Variants in NAALADL2 observed in about 807,000 individuals in gnomAD.
The protein encoded by NAALADL2 is N-acetylated alpha-linked acidic dipeptidase like 2, also known as inactive N-acetylated-alpha-linked acidic dipeptidase-like protein 2.
NAALADL2 carries 76 observed loss-of-function variants against 87.2 expected under a neutral mutation model. That is an observed-to-expected ratio of 0.87 (90% CI 0.72 to 1.05). The LOEUF is 1.05. Ranked by LOEUF, NAALADL2 falls within the 50% of genes least tolerant of loss-of-function variation. The pLI is 0.00. For synonymous variants in NAALADL2, 354 were observed against 331.0 expected (o/e 1.07, Z -0.75); for missense variants, 1,089 against 945.8 (o/e 1.15, Z -1.99).
chr3:175,410,915 G>A (rs1713391639), intron 5 of NAALADL2, among the ~76,000 whole-genome samples: 1 of 152,154 alleles, frequency 6.6e-6, no homozygotes, highest in Non-Finnish European at 1.5e-5. Context: ...AGATAGAACT[G>A]AGGGTGAAGG....
At chr3:175,446,611 C>CA (rs961885394) in intron 5 of NAALADL2, among the ~76,000 whole-genome samples, 2 of 152,156 alleles carry the variant, frequency 1.3e-5, no homozygotes, top group Admixed American at 6.5e-5. Context: ...CTCTCACTCT[C>CA]AGTTTTCTGC....
rs1168817019 is a variant in NAALADL2 at position 175,588,534 on chromosome 3, C to CTTTTTTTTTTTTTTTTTTTTT, written c.1800+12349_1800+12369dup. ...TTAGGAGACTTTCTTTCTTTCTTTTCTTTTTTTTTTTTTTTTTTTTTTGAG... is the reference window on the plus strand; with the variant it reads ...TTAGGAGACTTTCTTTCTTTCTTTTCTTTTTTTTTTTTTTTTTTTTTTTTTTTTTTTTTTTTTTTTTTTGAG... On this transcript the variant is annotated intron_variant, in intron 10 of 13. Coordinates refer to ENST00000454872, the MANE Select transcript of NAALADL2 (RefSeq NM_207015.3). 1.1e-3 allele frequency among the ~76,000 whole-genome samples: 86 copies of CTTTTTTTTTTTTTTTTTTTTT among 78,142 alleles called. 8 individuals carry two copies. The highest frequency in any genetic ancestry group is 0.011 in the Middle Eastern group (1 of 90). 51.3% of individuals were successfully genotyped at this position (78,142 alleles called of 152,430 possible).
At chr3:174,649,657 G>A (rs1262185423) in intron 2 of NAALADL2, among the ~76,000 whole-genome samples, 1 of 151,962 alleles carries the variant, frequency 6.6e-6, no homozygotes, top group East Asian at 1.9e-4. Flanking sequence ...TTCTAATATT[G>A]GAAATAGGCT....
chr3:175,598,146 T>C (rs1722486490), intron 10 of NAALADL2, among the ~76,000 whole-genome samples: 2 of 152,040 alleles, frequency 1.3e-5, no homozygotes, highest in Non-Finnish European at 2.9e-5. Context: ...TTATAAATCA[T>C]CAAGACTTTG....
intron 10 of NAALADL2, among the ~76,000 whole-genome samples, chr3:175,625,043 A>G (rs1351345173): frequency 3.9e-5 from 6 of 152,038 alleles, no homozygotes; most frequent in Non-Finnish European, 7.4e-5. Context: ...CATTTCTAAT[A>G]TCTCTTCCAA....
At chr3:174,835,437 T>G (rs953788940) in intron 3 of NAALADL2, among the ~76,000 whole-genome samples, 1 of 152,094 alleles carries the variant, frequency 6.6e-6, no homozygotes, top group African/African-American at 2.4e-5. Flanking sequence ...CTTCTGACAT[T>G]GGATTTAGCT....
intron 1 of NAALADL2, among the ~76,000 whole-genome samples, chr3:174,932,598 CCTT>C (rs1737074293): frequency 6.6e-6 from 1 of 151,980 alleles, no homozygotes; most frequent in Admixed American, 6.6e-5. Context: ...TCCTTAGCTT[CCTT>C]CTTATTAATA....
chr3:175,430,976 CTT>C (rs1581853263), intron 5 of NAALADL2, among the ~76,000 whole-genome samples: 3 of 151,912 alleles, frequency 2.0e-5, no homozygotes, highest in East Asian at 3.9e-4. Flanking sequence ...TTTATTGAAA[CTT>C]GAGATAATTT....
At position 175,007,150 on chromosome 3, in the gene NAALADL2, T is replaced by TTA. The variant is rs1349127659; in HGVS notation, c.44-89640_44-89639insTA. ...TGCCTAATTAATTTCTTTTATAGGA[T>TTA]AAAAAAAAAAAAAAAAAAAAAGCTA... On this transcript the variant is annotated intron_variant, in intron 1 of 13. Coordinates refer to ENST00000454872, the MANE Select transcript of NAALADL2 (RefSeq NM_207015.3). Among the ~76,000 whole-genome samples the TTA allele has an allele frequency of 5.5e-4, 39 of 70,346 alleles. 1 individual carries two copies. Among genetic ancestry groups the TTA allele is most frequent in the Non-Finnish European group, 8.8e-4 (24 of 27,322 alleles). The allele number at this position is 70,346 out of a possible 152,430, so 46.1% of individuals were successfully genotyped here. A position where few individuals can be genotyped will look rare whatever the true frequency, so the allele number is the denominator to read the frequency against.
intron 8 of NAALADL2, among the ~76,000 whole-genome samples, chr3:175,470,597 T>C (rs1261947354): frequency 1.3e-5 from 2 of 152,118 alleles, no homozygotes; most frequent in Non-Finnish European, 1.5e-5. Context: ...AAAGATACTT[T>C]CCCAAGTTAT....
rs114769334 is a variant in NAALADL2, at chr3:174,981,439, G to T, written c.44-115351G>T. 1.2e-3 allele frequency among the ~76,000 whole-genome samples: 176 copies of T among 152,272 alleles called. 1 individual carries two copies. The highest frequency in any genetic ancestry group is 4.0e-3 in the African/African-American group (167 of 41,550). ...AGTAACAAATCAAACATGGGCCAAA[G>T]ATTTTGTGTCATGTTTTCTGGTAGC... On this transcript the variant is annotated intron_variant, in intron 1 of 13. Coordinates refer to ENST00000454872, the MANE Select transcript of NAALADL2 (RefSeq NM_207015.3).
At chr3:174,840,399 G>A (rs890815576) in intron 3 of NAALADL2, among the ~76,000 whole-genome samples, 2 of 152,014 alleles carry the variant, frequency 1.3e-5, no homozygotes, top group Non-Finnish European at 2.9e-5. Flanking sequence ...GGAAGATAGG[G>A]TCATGTTTGC....
intron 11 of NAALADL2, among the ~76,000 whole-genome samples, chr3:175,672,393 G>A (rs1337888231): frequency 1.3e-5 from 2 of 152,236 alleles, no homozygotes; most frequent in Admixed American, 6.5e-5. Flanking sequence ...CTTATCCTGT[G>A]GATGCTATGG....
At chr3:174,449,997 C>T (rs1715364181) in intron 1 of NAALADL2, among the ~76,000 whole-genome samples, 1 of 149,134 alleles carries the variant, frequency 6.7e-6, no homozygotes, top group South Asian at 2.2e-4. Flanking sequence ...TATACACACA[C>T]ATATATATAC....
At chr3:175,686,136 A>T (rs1054283401) in intron 11 of NAALADL2, among the ~76,000 whole-genome samples, 1 of 152,214 alleles carries the variant, frequency 6.6e-6, no homozygotes, top group South Asian at 2.1e-4. Context: ...AAACTGATTT[A>T]AAAATATTTC....
intron 3 of NAALADL2, among the ~76,000 whole-genome samples, chr3:175,243,945 G>C (rs76486093): frequency 1.3e-5 from 2 of 152,008 alleles, no homozygotes; most frequent in Non-Finnish European, 2.9e-5. Flanking sequence ...CTGGCTCCTG[G>C]AATATTTTGC....
chr3:174,702,196 T>G (rs1398848591), intron 2 of NAALADL2, among the ~76,000 whole-genome samples: 1 of 152,214 alleles, frequency 6.6e-6, no homozygotes, highest in Non-Finnish European at 1.5e-5. Flanking sequence ...TTTTATGTGC[T>G]TATTTGTTAT....
chr3:175,559,470 T>C (rs1182739211), intron 9 of NAALADL2, among the ~76,000 whole-genome samples: 1 of 152,144 alleles, frequency 6.6e-6, no homozygotes, highest in Non-Finnish European at 1.5e-5. Context: ...GGACTTCCAG[T>C]ACTATGTTGA....
chr3:175,132,295 A>G (rs538038426), intron 2 of NAALADL2, among the ~76,000 whole-genome samples: 136 of 1,118 alleles, frequency 0.12, 47 homozygotes, highest in African/African-American at 0.49. Context: ...AGACGGGGGC[A>G]GCTGGCCGGG....
Sources: allele counts gnomAD v4.1 joint callset (sites outside exome capture counted in the v4.1 genomes callset), GRCh38; gene constraint gnomAD v4.1.1; transcripts MANE v1.5; gene names NCBI Gene and HGNC (gene_info 2026-07-23, HGNC 2026-07-21).